The following INPP5B variants were observed in gnomAD, a reference collection of about 807,000 sequenced individuals.
The protein encoded by INPP5B is type II inositol 1,4,5-trisphosphate 5-phosphatase.
In INPP5B, 90 loss-of-function variants were observed where a neutral mutation model predicts 118.5. That is an observed-to-expected ratio of 0.76 (90% CI 0.64 to 0.90). The LOEUF is 0.90. INPP5B is among the 40% of genes least tolerant of loss of function. The probability of loss-of-function intolerance (pLI) is 0.00; values close to 1 mark genes in which losing one functional copy is unlikely to be tolerated. For missense variants in INPP5B, 984 were observed against 1,125.6 expected, an observed-to-expected ratio of 0.87 and a Z score of 1.80; for synonymous variants, 385 against 418.9, an observed-to-expected ratio of 0.92 and a Z score of 0.99.
intron 7 of INPP5B, among the ~76,000 whole-genome samples, chr1:37,904,740 G>T (rs943144488): frequency 3.3e-5 from 5 of 151,896 alleles, no homozygotes; most frequent in African/African-American, 1.2e-4. Context: ...AGCCAGGTGT[G>T]GTGGTGCATG....
At chr1:37,891,330 G>A in intron 8 of INPP5B, 28 bp downstream of exon 8, 8 of 1,540,432 alleles carry the variant, frequency 5.2e-6, no homozygotes, top group Non-Finnish European at 7.2e-6. Flanking sequence ...AGTCCTACAA[G>A]GGACAAGTGA....
At chr1:37,867,531 T>A (rs1642118984) in intron 20 of INPP5B, among the ~76,000 whole-genome samples, 1 of 152,188 alleles carries the variant, frequency 6.6e-6, no homozygotes, top group South Asian at 2.1e-4. Flanking sequence ...ATCTGAGAAC[T>A]ACTGTGAAAA....
intron 7 of INPP5B, among the ~76,000 whole-genome samples, chr1:37,894,439 T>C (rs963924888): frequency 2.6e-5 from 4 of 152,190 alleles, no homozygotes; most frequent in African/African-American, 9.7e-5. Context: ...GTCTGATTTA[T>C]GCATCACTGT....
rs1324869050 is a variant in INPP5B at position 37,931,903 on chromosome 1, G to C, written c.532+10C>G. Reference sequence around the variant, plus strand: ...CAATCCCCACCGTTTCTTCCGGGACGGATACCTGCCTCCGCCAATTGTCGC... The same window carrying C: ...CAATCCCCACCGTTTCTTCCGGGACCGATACCTGCCTCCGCCAATTGTCGC... On this transcript the variant is annotated intron_variant, in intron 7 of 23. Coordinates refer to ENST00000373024, the MANE Select transcript of INPP5B (RefSeq NM_005540.3). The C allele has an allele frequency of 6.2e-7, 1 of 1,613,928 alleles. No homozygotes were observed. The highest frequency in any genetic ancestry group is 8.5e-7 in the Non-Finnish European group (1 of 1,180,036).
intron 7 of INPP5B, among the ~76,000 whole-genome samples, chr1:37,912,567 C>T (rs1401571548): frequency 6.6e-6 from 1 of 152,120 alleles, no homozygotes; most frequent in Non-Finnish European, 1.5e-5. Context: ...CTCCTATTCA[C>T]CATTCTCAAC....
At chr1:37,876,694 C>T (rs1448623277) in intron 16 of INPP5B, among the ~76,000 whole-genome samples, 1 of 43,198 alleles carries the variant, frequency 2.3e-5, no homozygotes, top group Admixed American at 2.8e-4. Context: ...CCCGTCTCTA[C>T]TAAAAATACA....
chr1:37,871,291 CTATAGAAAA>C, intron 19 of INPP5B, among the ~76,000 whole-genome samples: 1 of 150,518 alleles, frequency 6.6e-6, no homozygotes, highest in East Asian at 2.0e-4. Flanking sequence ...AACCCCGTCT[CTATAGAAAA>C]TACAAAAATT....
chr1:37,875,393 C>T (rs1288782833), intron 17 of INPP5B, among the ~76,000 whole-genome samples: 3 of 152,130 alleles, frequency 2.0e-5, no homozygotes, highest in South Asian at 2.1e-4. Context: ...CTCAGCCTCC[C>T]GAGTAGTTGG....
rs1301871934 is a variant in INPP5B at position 37,932,006 on chromosome 1, A to G, written c.439T>C (p.Tyr147His). 3 of 1,609,188 alleles carry G rather than the reference A, an allele frequency of 1.9e-6. No individual in the cohort carries two copies. The highest frequency in any genetic ancestry group is 2.5e-6 in the Non-Finnish European group (3 of 1,177,038). Residue 147 changes from tyrosine to histidine, a missense_variant, in exon 7 of 24, where the codon TAT becomes CAT. Transcript: ENST00000373024. ...TCCAGCTCCAGCTCTGCGCACCTAT[A>G]CCGAGACAGCCACAGGAATTCAGGA... ...RDPEFLWLSR[Y>H]RCAELELEMP... is the part of the protein sequence containing the mutation.
At chr1:37,938,592 T>C (rs1194802068) in intron 6 of INPP5B, among the ~76,000 whole-genome samples, 1 of 152,168 alleles carries the variant, frequency 6.6e-6, no homozygotes, top group Non-Finnish European at 1.5e-5. Flanking sequence ...GTTGCACAGC[T>C]AGGTACTGGC....
At chr1:37,878,076 G>T in intron 16 of INPP5B, 112 bp downstream of exon 16, 1 of 1,245,164 alleles carries the variant, frequency 8.0e-7, no homozygotes, top group African/African-American at 1.5e-5. Flanking sequence ...TCCTAAAAGG[G>T]GCTTCTTCCC....
At chr1:37,873,301 C>T (rs1642585370) in intron 18 of INPP5B, 136 bp from the exon 19 acceptor site, 1 of 648,390 alleles carries the variant, frequency 1.5e-6, no homozygotes, top group Non-Finnish European at 2.7e-6. Flanking sequence ...AACAAGCATC[C>T]AAATGTGCTT....
intron 9 of INPP5B, among the ~76,000 whole-genome samples, chr1:37,889,196 C>T (rs1409325446): frequency 6.6e-6 from 1 of 152,132 alleles, no homozygotes; most frequent in African/African-American, 2.4e-5. Context: ...GTGACTGCAC[C>T]ACTGCACTCC....
chr1:37,894,421 T>C (rs115525969), intron 7 of INPP5B, among the ~76,000 whole-genome samples: 1,760 of 152,292 alleles, frequency 0.012, 29 homozygotes, highest in African/African-American at 0.04. Context: ...TACTGAGGAC[T>C]AGACTTTGTC....
chr1:37,885,525 C>T, intron 13 of INPP5B, 113 bp downstream of exon 13: 1 of 814,186 alleles, frequency 1.2e-6, no homozygotes, highest in Non-Finnish European at 2.0e-6. Flanking sequence ...GAGGTGGGAG[C>T]TACCACCATT....
chr1:37,915,572 T>C (rs937380188), intron 7 of INPP5B, among the ~76,000 whole-genome samples: 1 of 152,192 alleles, frequency 6.6e-6, no homozygotes, highest in Non-Finnish European at 1.5e-5. Context: ...TGACAATACC[T>C]ATATGCATTA....
intron 19 of INPP5B, among the ~76,000 whole-genome samples, chr1:37,869,254 A>G (rs1365767281): frequency 6.6e-6 from 1 of 151,700 alleles, no homozygotes; most frequent in East Asian, 2.0e-4. Context: ...CGGCCTCCCA[A>G]AGTGCTAGGA....
In INPP5B at chr1:37,864,041, C is replaced by G. The variant is rs979244359; in HGVS notation, c.2626+271G>C. ...TGTTGGCCAGGCTGGTCTTGAACTCCTGACCTCAGGTGATCCGTCCACCTG... is the reference window on the plus strand; with the variant it reads ...TGTTGGCCAGGCTGGTCTTGAACTCGTGACCTCAGGTGATCCGTCCACCTG... On this transcript the variant is annotated intron_variant, in intron 23 of 23. Coordinates refer to ENST00000373024, the MANE Select transcript of INPP5B (RefSeq NM_005540.3). Among the ~76,000 whole-genome samples the G allele has an allele frequency of 2.0e-5, 3 of 151,990 alleles. No individual in the cohort carries two copies. In the South Asian group the frequency reaches 6.2e-4, roughly 32 times the overall value.
At position 37,865,883 on chromosome 1, in the gene INPP5B, TG is replaced by T; in HGVS notation, c.2391del (p.Ser798AlafsTer5). The T allele has an allele frequency of 6.2e-7, 1 of 1,612,820 alleles. No individual in the cohort carries two copies. Among genetic ancestry groups the T allele is most frequent in the Middle Eastern group, 1.7e-4 (1 of 6,056 alleles). On this transcript the variant is annotated frameshift_variant, in exon 22 of 24. Coordinates refer to ENST00000373024, the MANE Select transcript of INPP5B (RefSeq NM_005540.3). LOFTEE classifies it high-confidence loss of function. ...LDTGMIDNLS[A>X]SNHSVAEALL... ...AGGGCTTCGGCTACAGAATGATTGC[TG>T]GCAGCTTTTGGCCCCATTGTTAAGG...
Sources: allele counts gnomAD v4.1 joint callset (sites outside exome capture counted in the v4.1 genomes callset), GRCh38; gene constraint gnomAD v4.1.1; transcripts MANE v1.5; gene names NCBI Gene and HGNC (gene_info 2026-07-23, HGNC 2026-07-21).